Variants in SPIRE2 observed in about 807,000 individuals in gnomAD.
The protein encoded by SPIRE2 is spire type actin nucleation factor 2.
A neutral mutation model predicts 80.7 loss-of-function variants in SPIRE2; 76 were observed. The observed-to-expected ratio is 0.94, with a 90% CI of 0.78 to 1.14. The LOEUF (loss-of-function observed/expected upper bound fraction) is 1.14, where lower values mean the gene tolerates loss of function less well. Ranked by LOEUF, SPIRE2 falls within the 50% of genes most tolerant of loss-of-function variation. The pLI is 0.00. For synonymous variants in SPIRE2, 535 were observed against 432.6 expected, an observed-to-expected ratio of 1.24 and a Z score of -2.94; for missense variants, 1,196 against 1,015.3, an observed-to-expected ratio of 1.18 and a Z score of -2.42.
chr16:89,843,710 T>G (rs2041528261), intron 1 of SPIRE2, among the ~76,000 whole-genome samples: 1 of 67,496 alleles, frequency 1.5e-5, no homozygotes, highest in East Asian at 7.2e-4. Flanking sequence ...TTTTTTTTTT[T>G]TTTTTTTGAG....
At chr16:89,867,864 C>T (rs777867997) in intron 12 of SPIRE2, among the ~76,000 whole-genome samples, 6 of 152,158 alleles carry the variant, frequency 3.9e-5, no homozygotes, top group Non-Finnish European at 7.3e-5. Context: ...GGATTACAGG[C>T]GTAAGCTACC....
chr16:89,869,031 TAAAAAAA>T (rs766356633), intron 13 of SPIRE2, among the ~76,000 whole-genome samples: 119 of 23,832 alleles, frequency 5.0e-3, no homozygotes, highest in Non-Finnish European at 6.3e-3. Context: ...ATCTGTGTCT[TAAAAAAA>T]AAAAAAAAAA....
intron 1 of SPIRE2, among the ~76,000 whole-genome samples, chr16:89,844,846 G>C (rs1401671873): frequency 6.6e-6 from 1 of 152,196 alleles, no homozygotes; most frequent in African/African-American, 2.4e-5. Flanking sequence ...GCATCTCAAA[G>C]TGCTGGGATT....
chr16:89,834,354 T>C (rs1224334820), intron 1 of SPIRE2, among the ~76,000 whole-genome samples: 1 of 137,938 alleles, frequency 7.2e-6, no homozygotes, highest in Non-Finnish European at 1.6e-5. Flanking sequence ...CTGCCTGTGC[T>C]CACGGTTGGC....
At position 89,855,988 on chromosome 16, in the gene SPIRE2, C is replaced by A. The variant is rs1027116205; in HGVS notation, c.979-125C>A. 23 of 1,472,306 alleles carry A rather than the reference C, an allele frequency of 1.6e-5. No individual in the cohort carries two copies. In the South Asian group the frequency reaches 3.0e-4, roughly 19 times the overall value. The allele number at this position is 1,472,306 out of a possible 1,614,324, so 91.2% of individuals were successfully genotyped here. A position where few individuals can be genotyped will look rare whatever the true frequency, so the allele number is the denominator to read the frequency against. ...CTCCGGGTGGGCCTGGCAGGCTCTT[C>A]CGACTCCAGAGTGGGCCCGTGTCAT... On this transcript the variant is annotated intron_variant, in intron 6 of 14. Transcript: ENST00000378247.
chr16:89,856,019 C>T, intron 6 of SPIRE2, 94 bp from the exon 7 acceptor site: 5 of 1,546,356 alleles, frequency 3.2e-6, no homozygotes, highest in Admixed American at 3.6e-5. Flanking sequence ...GTCATGGTCA[C>T]TTCCCCACCA....
At chr16:89,833,567 C>A (rs1598215441) in intron 1 of SPIRE2, among the ~76,000 whole-genome samples, 2 of 152,390 alleles carry the variant, frequency 1.3e-5, no homozygotes, top group African/African-American at 2.4e-5. Context: ...TCAGCTCAGG[C>A]CTACGGCCTG....
At chr16:89,858,619 TC>T in intron 8 of SPIRE2, 112 bp downstream of exon 8, 2 of 1,028,174 alleles carry the variant, frequency 1.9e-6, no homozygotes, top group Non-Finnish European at 2.7e-6. Flanking sequence ...GTGTCTCCTG[TC>T]CAGGAGCCCT....
intron 1 of SPIRE2, among the ~76,000 whole-genome samples, chr16:89,839,563 C>T (rs1484019667): frequency 2.0e-5 from 3 of 152,140 alleles, no homozygotes; most frequent in African/African-American, 7.2e-5. Context: ...TGCCCTGGCC[C>T]TGGTGCTTCT....
At chr16:89,865,173 AT>A (rs1210462996) in intron 12 of SPIRE2, among the ~76,000 whole-genome samples, 2 of 151,806 alleles carry the variant, frequency 1.3e-5, no homozygotes, top group Non-Finnish European at 2.9e-5. Context: ...CTCCCAGCTA[AT>A]TTTTTGTATT....
intron 3 of SPIRE2, among the ~76,000 whole-genome samples, chr16:89,852,987 CGT>C: frequency 7.2e-6 from 1 of 139,306 alleles, no homozygotes; most frequent in Non-Finnish European, 1.6e-5. Context: ...TCCCATGGCC[CGT>C]CTTCCATCCT....
At chr16:89,835,674 G>T (rs895448072) in intron 1 of SPIRE2, among the ~76,000 whole-genome samples, 2 of 152,142 alleles carry the variant, frequency 1.3e-5, no homozygotes, top group East Asian at 3.8e-4. Flanking sequence ...TCCAGATAAG[G>T]TTGAGGCCCC....
Position 89,828,724 on chromosome 16 carries a change from C to A in SPIRE2, c.174C>A (p.Arg58=). 8.0e-7 allele frequency: 1 copy of A among 1,252,620 alleles called. No individual in the cohort carries two copies. The highest frequency in any genetic ancestry group is 1.0e-6 in the Non-Finnish European group (1 of 995,368). The allele number at this position is 1,252,620 out of a possible 1,614,324, so 77.6% of individuals were successfully genotyped here. Residue 58 remains arginine (R), a synonymous_variant, in exon 1 of 15, where the codon CGC becomes CGA. Coordinates refer to ENST00000378247, the MANE Select transcript of SPIRE2 (RefSeq NM_032451.2). The surrounding 1 kb of genome is among the most constrained non-coding windows in gnomAD (Gnocchi z 5.9). ...CRGLRGSPGR[R]LRDTGDLLLR... ...GGCTGCGGGGCTCGCCGGGCCGGCG[C>A]CTGCGGGATACCGGGGACCTCCTGC...
At chr16:89,866,740 C>G (rs1338394372) in intron 12 of SPIRE2, among the ~76,000 whole-genome samples, 1 of 152,038 alleles carries the variant, frequency 6.6e-6, no homozygotes, top group East Asian at 1.9e-4. Context: ...TCCCGAGTAG[C>G]TGGAACTACA....
chr16:89,864,275 A>C (rs947909624), intron 12 of SPIRE2, among the ~76,000 whole-genome samples: 5 of 152,208 alleles, frequency 3.3e-5, no homozygotes, highest in African/African-American at 1.2e-4. Flanking sequence ...CTGAGAATCC[A>C]GGGAGACCAC....
Position 89,828,642 on chromosome 16 carries a change from A to T in SPIRE2, c.92A>T (p.Tyr31Phe), listed in dbSNP as rs771902606. ...TCCCTGGAGGAGGTGCTGAAGGCCTACGAGCAGCCGCTCAACGAGGAGCAG... is the reference window on the plus strand; with the variant it reads ...TCCCTGGAGGAGGTGCTGAAGGCCTTCGAGCAGCCGCTCAACGAGGAGCAG... ...ELSLEEVLKAYEQPLNEEQAW... is the reference protein window; with the variant it reads ...ELSLEEVLKAFEQPLNEEQAW... The change falls in exon 1 of 15, where the codon TAC becomes TTC. Residue 31 changes from tyrosine (Y) to phenylalanine (F), a missense_variant. Tyr to Phe is a conservative substitution (Grantham distance 22). Transcript: ENST00000378247. The surrounding 1 kb of genome is among the most constrained non-coding windows in gnomAD (Gnocchi z 5.9). 4.3e-5 allele frequency: 58 copies of T among 1,359,262 alleles called. No individual in the cohort carries two copies. In the African/African-American group the frequency reaches 8.4e-4, roughly 20 times the overall value. 84.2% of individuals were successfully genotyped at this position (1,359,262 alleles called of 1,614,324 possible).
Position 89,850,420 on chromosome 16 carries a change from C to T in SPIRE2, c.405C>T (p.Asn135=), listed in dbSNP as rs774131007. The part of the protein sequence containing the change: ...LERLIDLMAN[N]DSEDSGCGAA... The stretch of plus-strand genomic sequence containing the variant: ...GGCTCATCGACCTCATGGCCAACAA[C>T]GACAGCGAGGACAGCGGCTGCGGTG... The change falls in exon 3 of 15, where the codon AAC becomes AAT. Residue 135 remains asparagine (N), a synonymous_variant. Coordinates refer to ENST00000378247, the MANE Select transcript of SPIRE2 (RefSeq NM_032451.2). The T allele has an allele frequency of 1.2e-5, 19 of 1,590,690 alleles. No individual in the cohort carries two copies. In the East Asian group the frequency reaches 3.9e-4, roughly 32 times the overall value.
intron 2 of SPIRE2, 114 bp downstream of exon 2, chr16:89,845,479 G>A (rs977771896): frequency 1.8e-5 from 17 of 964,422 alleles, no homozygotes; most frequent in Middle Eastern, 4.1e-4. Context: ...GAGGCAGGGT[G>A]CAGATGAAGT....
chr16:89,865,753 G>T (rs576184249), intron 12 of SPIRE2, among the ~76,000 whole-genome samples: 1 of 152,012 alleles, frequency 6.6e-6, no homozygotes, highest in South Asian at 2.1e-4. Flanking sequence ...CAGATCACGA[G>T]GTCGGGAGAT....
Sources: allele counts gnomAD v4.1 joint callset (sites outside exome capture counted in the v4.1 genomes callset), GRCh38; gene constraint gnomAD v4.1.1; non-coding constraint Gnocchi (gnomAD v3.1); transcripts MANE v1.5; gene names NCBI Gene and HGNC (gene_info 2026-07-23, HGNC 2026-07-21).